Variants in DOCK10 observed in about 807,000 individuals in gnomAD.
DOCK10 encodes dedicator of cytokinesis 10.
DOCK10 carries 145 observed loss-of-function variants against 280.1 expected under a neutral mutation model. The observed-to-expected ratio is 0.52, with a 90% CI of 0.45 to 0.59. The LOEUF (loss-of-function observed/expected upper bound fraction) is 0.59. Ranked by LOEUF, DOCK10 falls within the 20% of genes least tolerant of loss-of-function variation. The pLI is 0.00. For synonymous variants in DOCK10, 915 were observed against 942.2 expected (o/e 0.97, Z 0.53); for missense variants, 2,368 against 2,651.7 (o/e 0.89, Z 2.35).
At chr2:224,907,022 G>T (rs913506368) in intron 3 of DOCK10, among the ~76,000 whole-genome samples, 8 of 152,158 alleles carry the variant, frequency 5.3e-5, no homozygotes, top group Admixed American at 5.2e-4. Context: ...AGTGGGACAA[G>T]AAATTTCTAT....
intron 40 of DOCK10, among the ~76,000 whole-genome samples, chr2:224,801,518 CCATTTTACCCT>C (rs1213810286): frequency 6.6e-6 from 1 of 152,046 alleles, no homozygotes; most frequent in African/African-American, 2.4e-5. Flanking sequence ...ACGCTGGCCT[CCATTTTACCCT>C]CATTCACAAG....
chr2:224,816,211 A>G (rs1184291632), intron 30 of DOCK10, among the ~76,000 whole-genome samples: 6 of 148,592 alleles, frequency 4.0e-5, no homozygotes, highest in African/African-American at 1.5e-4. Context: ...TAATACATAT[A>G]TATTTATATA....
chr2:224,816,013 G>A (rs1694112114), intron 30 of DOCK10, among the ~76,000 whole-genome samples: 1 of 151,934 alleles, frequency 6.6e-6, no homozygotes, highest in Non-Finnish European at 1.5e-5. Context: ...CAGCCTGGGT[G>A]ACAGAGTGAG....
At chr2:224,847,221 C>T (rs528399892) in intron 19 of DOCK10, among the ~76,000 whole-genome samples, 14 of 152,294 alleles carry the variant, frequency 9.2e-5, no homozygotes, top group African/African-American at 1.9e-4. Context: ...TTTGAGTTTT[C>T]AAAGCCCTGC....
At chr2:224,901,909 A>C (rs930722772) in intron 3 of DOCK10, among the ~76,000 whole-genome samples, 3 of 152,212 alleles carry the variant, frequency 2.0e-5, no homozygotes, top group Non-Finnish European at 4.4e-5. Flanking sequence ...ACAGCCTTTT[A>C]AAAGGACATA....
chr2:224,835,134 G>T (rs189685173), intron 25 of DOCK10, among the ~76,000 whole-genome samples: 1 of 152,098 alleles, frequency 6.6e-6, no homozygotes, highest in African/African-American at 2.4e-5. Flanking sequence ...TGTCATGGTG[G>T]GATTTGACTT....
At chr2:225,020,452 A>T (rs992491317) in intron 1 of DOCK10, among the ~76,000 whole-genome samples, 1 of 152,186 alleles carries the variant, frequency 6.6e-6, no homozygotes, top group South Asian at 2.1e-4. Flanking sequence ...ACCTAGCAAC[A>T]TATATTTGAA....
chr2:224,778,883 G>A (rs572743125), intron 50 of DOCK10, among the ~76,000 whole-genome samples: 1 of 152,080 alleles, frequency 6.6e-6, no homozygotes, highest in South Asian at 2.1e-4. Context: ...ATGACTTCAG[G>A]GACCTCCTGA....
Position 224,877,203 on chromosome 2 carries a change from AGGACAAAG to A in DOCK10, c.748-990_748-983del, listed in dbSNP as rs1230834992. 2.0e-5 allele frequency among the ~76,000 whole-genome samples: 3 copies of A among 152,330 alleles called. No homozygotes were observed. The East Asian group carries it at 5.8e-4, about 29-fold the overall frequency. On this transcript the variant is annotated intron_variant, in intron 7 of 55. Transcript: ENST00000258390. ...GAAACTTTCCTCAATTTTCCAGTCT[AGGACAAAG>A]GGACAAAGTTCTTGTCCTCCAGAGC...
Position 224,876,102 on chromosome 2 carries a change from C to G in DOCK10, c.867G>C (p.Leu289=). Residue 289 remains leucine (L), a synonymous_variant, in exon 8 of 56, where the codon CTG becomes CTC. Coordinates refer to ENST00000258390, the MANE Select transcript of DOCK10 (RefSeq NM_014689.3). Reference sequence around the variant, plus strand: ...GGAGGGGCCCCTCAGGACTGATTTGCAGAATGCGGTTGAGGGTGTGGATCC... The same window carrying G: ...GGAGGGGCCCCTCAGGACTGATTTGGAGAATGCGGTTGAGGGTGTGGATCC... ...DEWIHTLNRI[L]QISPEGPLQG... 6.2e-7 allele frequency: 1 copy of G among 1,613,962 alleles called. No individual in the cohort carries two copies. The highest frequency in any genetic ancestry group is 8.5e-7 in the Non-Finnish European group (1 of 1,179,882).
At chr2:224,818,543 G>A (rs1056430911) in intron 29 of DOCK10, among the ~76,000 whole-genome samples, 2 of 152,006 alleles carry the variant, frequency 1.3e-5, no homozygotes, top group African/African-American at 2.4e-5. Context: ...AGCTACAGGT[G>A]CCCGCAACCA....
At chr2:224,829,292 T>C (rs1463207612) in intron 27 of DOCK10, among the ~76,000 whole-genome samples, 2 of 152,182 alleles carry the variant, frequency 1.3e-5, no homozygotes, top group African/African-American at 4.8e-5. Context: ...ATCCCCCCAA[T>C]AGTCATGTAA....
At chr2:224,867,444 T>C (rs776946117) in intron 11 of DOCK10, among the ~76,000 whole-genome samples, 1 of 152,194 alleles carries the variant, frequency 6.6e-6, no homozygotes, top group African/African-American at 2.4e-5. Flanking sequence ...TCTCTCCCCA[T>C]CAATTCTTGG....
intron 1 of DOCK10, among the ~76,000 whole-genome samples, chr2:224,977,989 A>T (rs1705532996): frequency 6.6e-6 from 1 of 152,038 alleles, no homozygotes; most frequent in Non-Finnish European, 1.5e-5. Flanking sequence ...TCCTTAACTC[A>T]CTCTTGGACA....
At chr2:224,953,996 A>G (rs1703909131) in intron 1 of DOCK10, among the ~76,000 whole-genome samples, 1 of 152,092 alleles carries the variant, frequency 6.6e-6, no homozygotes, top group Non-Finnish European at 1.5e-5. Flanking sequence ...TTTGCTGTGT[A>G]TGTCTGTACA....
intron 1 of DOCK10, among the ~76,000 whole-genome samples, chr2:224,959,605 C>T (rs1704249189): frequency 6.6e-6 from 1 of 152,172 alleles, no homozygotes; most frequent in Non-Finnish European, 1.5e-5. Flanking sequence ...ACAGCTGTGC[C>T]TTCTCACTAG....
At chr2:224,988,179 C>T (rs138791257) in intron 1 of DOCK10, among the ~76,000 whole-genome samples, 209 of 152,274 alleles carry the variant, frequency 1.4e-3, no homozygotes, top group African/African-American at 4.5e-3. Flanking sequence ...CCTCCCCTAA[C>T]GGGCATTGCT....
At position 224,780,788 on chromosome 2, in the gene DOCK10, T is replaced by C. The variant is rs563380551; in HGVS notation, c.5656-2504A>G. ...GGTGACACACGCCTGTAGTCCCAGC[T>C]ACTCAGGAGGCTGAGGCAGGAGAAT... On this transcript the variant is annotated intron_variant, in intron 50 of 55. Coordinates refer to ENST00000258390, the MANE Select transcript of DOCK10 (RefSeq NM_014689.3). 2.1e-3 allele frequency among the ~76,000 whole-genome samples: 316 copies of C among 151,978 alleles called. 1 individual carries two copies. The highest frequency in any genetic ancestry group is 3.7e-3 in the Non-Finnish European group (249 of 67,996).
At chr2:224,836,263 G>A (rs893641964) in intron 25 of DOCK10, among the ~76,000 whole-genome samples, 5 of 152,114 alleles carry the variant, frequency 3.3e-5, no homozygotes, top group African/African-American at 1.2e-4. Flanking sequence ...TAAATTCATC[G>A]ATACTCTATA....
Sources: gnomAD v4.1 joint callset for allele counts (sites outside exome capture counted in the v4.1 genomes callset) on GRCh38, gnomAD v4.1.1 for gene constraint, MANE v1.5 for transcripts, NCBI Gene and HGNC (gene_info 2026-07-23, HGNC 2026-07-21) for gene names.